The following PKDREJ variants were observed in gnomAD, a reference collection of about 807,000 sequenced individuals.
PKDREJ encodes the protein polycystin family receptor for egg jelly.
For synonymous variants in PKDREJ, 1,031 were observed against 1,095.5 expected (o/e 0.94, Z 1.16); for missense variants, 2,507 against 2,807.2 (o/e 0.89, Z 2.42).
rs781421433 is a variant in PKDREJ, at chr22:46,260,255, G to A, written c.3068C>T (p.Ala1023Val). ...AGGCACCAGGAAGGTGGCGACCAGC[G>A]CTGTGGGAGTGATCTGACTGCCTGT... ...VYTGSQITPT[A>V]LVATFLVPHD... Residue 1023 changes from alanine (A) to valine (V), a missense_variant, in exon 1 of 1, where the codon GCG (alanine) becomes GTG (valine). Coordinates refer to ENST00000253255, the MANE Select transcript of PKDREJ (RefSeq NM_006071.2). This position sits in a 1 kb window ranked among gnomAD's most constrained non-coding sequence, Gnocchi z 4.5. 23 of 1,614,032 alleles carry A rather than the reference G, an allele frequency of 1.4e-5. No individual in the cohort carries two copies. The highest frequency in any genetic ancestry group is 5.3e-5 in the African/African-American group (4 of 74,898).
At position 46,261,129 on chromosome 22, in the gene PKDREJ, T is replaced by A. The variant is rs752122635; in HGVS notation, c.2194A>T (p.Asn732Tyr). The change falls in exon 1 of 1, where the codon AAT (asparagine) becomes TAT (tyrosine). Residue 732 changes from asparagine (N) to tyrosine (Y), a missense_variant. Transcript: ENST00000253255. This position sits in a 1 kb window ranked among gnomAD's most constrained non-coding sequence, Gnocchi z 7.1. Reference protein sequence around the residue: ...TELPLRDDRVNLRKHLIDQSF... With the variant: ...TELPLRDDRVYLRKHLIDQSF... The stretch of plus-strand genomic sequence containing the variant: ...TGATCGATGAGGTGTTTTCGGAGAT[T>A]GACTCTGTCATCTCGGAGAGGTAAT... The A allele has an allele frequency of 1.2e-6, 2 of 1,613,858 alleles. No individual in the cohort carries two copies.
Position 46,256,248 on chromosome 22 carries a change from C to T in PKDREJ, c.*313G>A, listed in dbSNP as rs1936630117. ...CTCAAAACCAGTGGCTCTGCCTTCT[C>T]TAAACTGCAGGCACCAAAGAAACAG... On this transcript the variant is annotated 3_prime_UTR_variant, in exon 1 of 1. Transcript: ENST00000253255. This position sits in a 1 kb window ranked among gnomAD's most constrained non-coding sequence, Gnocchi z 5.3. 1 of 306,768 alleles carries T rather than the reference C, an allele frequency of 3.3e-6. No individual in the cohort carries two copies. The highest frequency in any genetic ancestry group is 2.2e-5 in the African/African-American group (1 of 45,998). The allele number at this position is 306,768 out of a possible 1,614,324, so 19.0% of individuals were successfully genotyped here. A position where few individuals can be genotyped will look rare whatever the true frequency, so the allele number is the denominator to read the frequency against.
Position 46,261,219 on chromosome 22 carries a change from CCTT to C in PKDREJ, c.2101_2103del (p.Lys701del), listed in dbSNP as rs775159785. ...AGTAAGTAACCTGCAGGTAAAAAATCCTTCTTTTGAATCAAAGTAGACAGCAAT... is the reference window on the plus strand; with the variant it reads ...AGTAAGTAACCTGCAGGTAAAAAATCCTTTTGAATCAAAGTAGACAGCAAT... On this transcript the variant is annotated inframe_deletion, in exon 1 of 1. Coordinates refer to ENST00000253255, the MANE Select transcript of PKDREJ (RefSeq NM_006071.2). This position sits in a 1 kb window ranked among gnomAD's most constrained non-coding sequence, Gnocchi z 7.1. 1.9e-6 allele frequency: 3 copies of C among 1,613,980 alleles called. No individual in the cohort carries two copies. The highest frequency in any genetic ancestry group is 2.2e-5 in the South Asian group (2 of 91,080).
Position 46,260,008 on chromosome 22 carries a change from C to T in PKDREJ, c.3315G>A (p.Leu1105=). 1 of 1,614,144 alleles carries T rather than the reference C, an allele frequency of 6.2e-7. No individual in the cohort carries two copies. Among genetic ancestry groups the T allele is most frequent in the South Asian group, 1.1e-5 (1 of 91,080 alleles). ...ATTCACTCTGGATCCCATACATGTC[C>T]AAGCACTGGACGCTGAAAATAGAAA... is the stretch of plus-strand genomic sequence containing the variant. ...VRISIFSVQC[L]DMYGIQSEWR... The change falls in exon 1 of 1, where the codon TTG becomes TTA. Residue 1105 remains leucine (L), a synonymous_variant. Coordinates refer to ENST00000253255, the MANE Select transcript of PKDREJ (RefSeq NM_006071.2). The surrounding 1 kb of genome is among the most constrained non-coding windows in gnomAD (Gnocchi z 4.5).
chr22:46,262,092 C>T lies in PKDREJ; in HGVS notation c.1231G>A (p.Ala411Thr), dbSNP rs912512888. The change falls in exon 1 of 1, where the codon GCC becomes ACC. Residue 411 changes from alanine (A) to threonine (T), a missense_variant. Physicochemically the swap from Ala to Thr is moderately conservative, Grantham distance 58. Transcript: ENST00000253255. This position sits in a 1 kb window ranked among gnomAD's most constrained non-coding sequence, Gnocchi z 8.1. The stretch of plus-strand genomic sequence containing the variant: ...AAAAGTGTCAGTACAGGGCCCGAGG[C>T]CCAGGGCCATTTCAGATTGGCCTGC... The part of the protein sequence containing the change: ...PEQANLKWPW[A>T]SGPVLTLLPE... The T allele has an allele frequency of 6.2e-7, 1 of 1,614,040 alleles. No individual in the cohort carries two copies. The highest frequency in any genetic ancestry group is 8.5e-7 in the Non-Finnish European group (1 of 1,180,016).
chr22:46,263,098 G>A lies in PKDREJ; in HGVS notation c.225C>T (p.Gly75=), dbSNP rs976199097. The A allele has an allele frequency of 2.3e-6, 3 of 1,311,282 alleles. No individual in the cohort carries two copies. Among genetic ancestry groups the A allele is most frequent in the East Asian group, 3.8e-5 (1 of 26,614 alleles). 81.2% of individuals were successfully genotyped at this position (1,311,282 alleles called of 1,614,324 possible). Residue 75 remains glycine, a synonymous_variant, in exon 1 of 1, where the codon GGC becomes GGT. Coordinates refer to ENST00000253255, the MANE Select transcript of PKDREJ (RefSeq NM_006071.2). This position sits in a 1 kb window ranked among gnomAD's most constrained non-coding sequence, Gnocchi z 9.4. The part of the protein sequence containing the change: ...RAGGAVLSGR[G]SLCFPHGGTG... ...TCCCGCCATGGGGGAAGCAGAGGCT[G>A]CCGCGGCCGCTCAGGACAGCGCCGC...
chr22:46,257,304 A>C lies in PKDREJ; in HGVS notation c.6019T>G (p.Cys2007Gly), dbSNP rs746736353. 2 of 1,614,056 alleles carry C rather than the reference A, an allele frequency of 1.2e-6. No individual in the cohort carries two copies. Among genetic ancestry groups the C allele is most frequent in the South Asian group, 2.2e-5 (2 of 91,074 alleles). Residue 2007 changes from cysteine (C) to glycine (G), a missense_variant, in exon 1 of 1, where the codon TGC becomes GGC. Coordinates refer to ENST00000253255, the MANE Select transcript of PKDREJ (RefSeq NM_006071.2). The surrounding 1 kb of genome is among the most constrained non-coding windows in gnomAD (Gnocchi z 4.7). ...VYNLLNFALK[C>G]IFTVLIVLFL... ...AGCACAATCAACACAGTAAATATGC[A>C]CTTTAAAGCAAAGTTGAGCAAATTA...
chr22:46,262,394 G>T lies in PKDREJ; in HGVS notation c.929C>A (p.Ser310Tyr). The T allele has an allele frequency of 1.9e-6, 3 of 1,614,016 alleles. No individual in the cohort carries two copies. The highest frequency in any genetic ancestry group is 2.5e-6 in the Non-Finnish European group (3 of 1,179,962). The change falls in exon 1 of 1, where the codon TCC becomes TAC. Residue 310 changes from serine (S) to tyrosine (Y), a missense_variant. Ser to Tyr is a moderately radical substitution (Grantham distance 144, BLOSUM62 -2). Transcript: ENST00000253255. This position sits in a 1 kb window ranked among gnomAD's most constrained non-coding sequence, Gnocchi z 8.1. ...WGVYVFNFTV[S>Y]ITTGNPKMPE... ...CATCTTGGGGTTCCCTGTGGTGATGGACACCGTGAAATTAAACACATACAC... is the reference window on the plus strand; with the variant it reads ...CATCTTGGGGTTCCCTGTGGTGATGTACACCGTGAAATTAAACACATACAC...
chr22:46,261,951 C>T lies in PKDREJ; in HGVS notation c.1372G>A (p.Ala458Thr). 6.2e-7 allele frequency: 1 copy of T among 1,614,158 alleles called. No individual in the cohort carries two copies. Among genetic ancestry groups the T allele is most frequent in the Non-Finnish European group, 8.5e-7 (1 of 1,180,024 alleles). Residue 458 changes from alanine to threonine, a missense_variant, in exon 1 of 1, where the codon GCA becomes ACA. By Grantham distance (58) the Ala-to-Thr change is moderately conservative. Coordinates refer to ENST00000253255, the MANE Select transcript of PKDREJ (RefSeq NM_006071.2). The surrounding 1 kb of genome is among the most constrained non-coding windows in gnomAD (Gnocchi z 7.1). ...VHVLQGPKAI[A>T]HITCIENCER... ...CAATTTTCGATACATGTGATGTGTGCTATGGCTTTTGGTCCTTGGAGCACG... is the reference window on the plus strand; with the variant it reads ...CAATTTTCGATACATGTGATGTGTGTTATGGCTTTTGGTCCTTGGAGCACG...
chr22:46,261,754 T>C lies in PKDREJ; in HGVS notation c.1569A>G (p.Lys523=). 1 of 1,613,966 alleles carries C rather than the reference T, an allele frequency of 6.2e-7. No homozygotes were observed. Among genetic ancestry groups the C allele is most frequent in the South Asian group, 1.1e-5 (1 of 91,078 alleles). ...TGRNGAYLSI[K]AFAFRHFLEA... is the part of the protein sequence containing the mutation. ...CCAAAAAATGCCGAAAAGCAAAAGC[T>C]TTTATAGACAGATAAGCACCATTCC... Residue 523 remains lysine (K), a synonymous_variant, in exon 1 of 1, where the codon AAA becomes AAG. Transcript: ENST00000253255. The surrounding 1 kb of genome is among the most constrained non-coding windows in gnomAD (Gnocchi z 7.1).
rs1390946079 is a variant in PKDREJ, at chr22:46,257,728, C to T, written c.5595G>A (p.Trp1865Ter). The T allele has an allele frequency of 1.2e-6, 2 of 1,614,136 alleles. No individual in the cohort carries two copies. Among genetic ancestry groups the T allele is most frequent in the Admixed American group, 3.3e-5 (2 of 60,018 alleles). The part of the protein sequence containing the change: ...GFTYKPQGTQ[W>*]LYYSYGLLHT... Reference sequence around the variant, plus strand: ...GTAGTAGTCCATAGGAATAATATAGCCATTGCGTTCCTTGAGGCTTATAAG... The same window carrying T: ...GTAGTAGTCCATAGGAATAATATAGTCATTGCGTTCCTTGAGGCTTATAAG... Residue 1865 changes from tryptophan to a stop codon, truncating the protein, a stop_gained, in exon 1 of 1, where the codon TGG (tryptophan) becomes TGA (stop). Coordinates refer to ENST00000253255, the MANE Select transcript of PKDREJ (RefSeq NM_006071.2). LOFTEE classifies it low-confidence loss of function (END_TRUNC). This position sits in a 1 kb window ranked among gnomAD's most constrained non-coding sequence, Gnocchi z 4.7.
At position 46,261,961 on chromosome 22, in the gene PKDREJ, T is replaced by C; in HGVS notation, c.1362A>G (p.Pro454=). ...TACATGTGATGTGTGCTATGGCTTTTGGTCCTTGGAGCACGTGGACCCTCT... is the reference window on the plus strand; with the variant it reads ...TACATGTGATGTGTGCTATGGCTTTCGGTCCTTGGAGCACGTGGACCCTCT... The part of the protein sequence containing the change: ...SDKRVHVLQG[P]KAIAHITCIE... Residue 454 remains proline, a synonymous_variant, in exon 1 of 1, where the codon CCA becomes CCG. Coordinates refer to ENST00000253255, the MANE Select transcript of PKDREJ (RefSeq NM_006071.2). The surrounding 1 kb of genome is among the most constrained non-coding windows in gnomAD (Gnocchi z 7.1). The C allele has an allele frequency of 2.0e-5, 33 of 1,614,164 alleles. No individual in the cohort carries two copies. Among genetic ancestry groups the C allele is most frequent in the Non-Finnish European group, 2.8e-5 (33 of 1,180,008 alleles).
At position 46,258,773 on chromosome 22, in the gene PKDREJ, G is replaced by A; in HGVS notation, c.4550C>T (p.Ser1517Phe). The part of the protein sequence containing the change: ...RLPKASPKAT[S>F]KPKHRHRKAQ... ...TTTCCTATGCCTGTGCTTGGGTTTG[G>A]AGGTTGCCTTAGGAGAAGCCTTTGG... Residue 1517 changes from serine (S) to phenylalanine (F), a missense_variant, in exon 1 of 1, where the codon TCC (serine) becomes TTC (phenylalanine). Physicochemically the swap from Ser to Phe is radical, Grantham distance 155 (BLOSUM62 -2). Coordinates refer to ENST00000253255, the MANE Select transcript of PKDREJ (RefSeq NM_006071.2). This position sits in a 1 kb window ranked among gnomAD's most constrained non-coding sequence, Gnocchi z 6.1. The A allele has an allele frequency of 3.1e-6, 5 of 1,614,184 alleles. No homozygotes were observed. The highest frequency in any genetic ancestry group is 4.2e-6 in the Non-Finnish European group (5 of 1,180,038).
chr22:46,258,318 C>T lies in PKDREJ; in HGVS notation c.5005G>A (p.Glu1669Lys). 1 of 1,614,174 alleles carries T rather than the reference C, an allele frequency of 6.2e-7. No homozygotes were observed. Among genetic ancestry groups the T allele is most frequent in the South Asian group, 1.1e-5 (1 of 91,086 alleles). Residue 1669 changes from glutamate (E) to lysine (K), a missense_variant, in exon 1 of 1, where the codon GAA becomes AAA. Transcript: ENST00000253255. This position sits in a 1 kb window ranked among gnomAD's most constrained non-coding sequence, Gnocchi z 6.1. The part of the protein sequence containing the change: ...RLDGMRMHPE[E>K]MQRIHDQIVR... ...ATCTGGTCATGTATCCTCTGCATTT[C>T]TTCTGGATGCATACGCATTCCATCC...
At position 46,258,857 on chromosome 22, in the gene PKDREJ, G is replaced by C. The variant is rs1377209024; in HGVS notation, c.4466C>G (p.Thr1489Ser). The change falls in exon 1 of 1, where the codon ACT (threonine) becomes AGT (serine). Residue 1489 changes from threonine (T) to serine (S), a missense_variant. By Grantham distance (58) the Thr-to-Ser change is moderately conservative (BLOSUM62 1). Transcript: ENST00000253255. This position sits in a 1 kb window ranked among gnomAD's most constrained non-coding sequence, Gnocchi z 6.1. ...AACCTCCCTGGGGTGCACCTTAGCA[G>C]TTTCGTAAGCATGCCACTTTCTCAA... ...EYLRKWHAYE[T>S]AKVHPREVAK... 1 of 1,613,986 alleles carries C rather than the reference G, an allele frequency of 6.2e-7. No individual in the cohort carries two copies. The highest frequency in any genetic ancestry group is 8.5e-7 in the Non-Finnish European group (1 of 1,180,004).
At position 46,262,653 on chromosome 22, in the gene PKDREJ, T is replaced by C. The variant is rs764001826; in HGVS notation, c.670A>G (p.Thr224Ala). ...CGCACGGGGGCGCCCTTCTGGTCCG[T>C]GTTGATCCTCACGCGCTGGATGACG... Reference protein sequence around the residue: ...ACVIQRVRINTDQKGAPVRLS... With the variant: ...ACVIQRVRINADQKGAPVRLS... The change falls in exon 1 of 1, where the codon ACG (threonine) becomes GCG (alanine). Residue 224 changes from threonine to alanine, a missense_variant. By Grantham distance (58) the Thr-to-Ala change is moderately conservative (BLOSUM62 0). Coordinates refer to ENST00000253255, the MANE Select transcript of PKDREJ (RefSeq NM_006071.2). This position sits in a 1 kb window ranked among gnomAD's most constrained non-coding sequence, Gnocchi z 8.1. 8.1e-6 allele frequency: 13 copies of C among 1,612,990 alleles called. No homozygotes were observed. In the South Asian group the frequency reaches 1.3e-4, roughly 16 times the overall value.
chr22:46,258,933 G>A lies in PKDREJ; in HGVS notation c.4390C>T (p.Pro1464Ser), dbSNP rs1489825342. ...KPQADLKEVS[P>S]QKHPLMSEAS... ...TCTGACATTAGAGGATGCTTTTGAGGAGATACCTCCTTTAGATCCGCTTGA... is the reference window on the plus strand; with the variant it reads ...TCTGACATTAGAGGATGCTTTTGAGAAGATACCTCCTTTAGATCCGCTTGA... The change falls in exon 1 of 1, where the codon CCT (proline) becomes TCT (serine). Residue 1464 changes from proline to serine, a missense_variant. Pro to Ser is a moderately conservative substitution (Grantham distance 74, BLOSUM62 -1). Coordinates refer to ENST00000253255, the MANE Select transcript of PKDREJ (RefSeq NM_006071.2). The surrounding 1 kb of genome is among the most constrained non-coding windows in gnomAD (Gnocchi z 6.1). 6.2e-7 allele frequency: 1 copy of A among 1,614,138 alleles called. No individual in the cohort carries two copies. The highest frequency in any genetic ancestry group is 8.5e-7 in the Non-Finnish European group (1 of 1,180,028).
At position 46,261,009 on chromosome 22, in the gene PKDREJ, C is replaced by T. The variant is rs768795386; in HGVS notation, c.2314G>A (p.Asp772Asn). The change falls in exon 1 of 1, where the codon GAT becomes AAT. Residue 772 changes from aspartate to asparagine, a missense_variant. Asp to Asn is a conservative substitution (Grantham distance 23). Coordinates refer to ENST00000253255, the MANE Select transcript of PKDREJ (RefSeq NM_006071.2). The surrounding 1 kb of genome is among the most constrained non-coding windows in gnomAD (Gnocchi z 7.1). ...LTQKPSEFTWDAQKRATMRVW... is the reference protein window; with the variant it reads ...LTQKPSEFTWNAQKRATMRVW... The stretch of plus-strand genomic sequence containing the variant: ...CTCATGGTGGCACGTTTCTGAGCAT[C>T]CCAAGTGAATTCAGAGGGTTTCTGG... 3.7e-6 allele frequency: 6 copies of T among 1,613,998 alleles called. No individual in the cohort carries two copies. In the Admixed American group the frequency reaches 8.3e-5, roughly 22 times the overall value.
chr22:46,260,036 C>G lies in PKDREJ; in HGVS notation c.3287G>C (p.Arg1096Thr). Residue 1096 changes from arginine to threonine, a missense_variant, in exon 1 of 1, where the codon AGA (arginine) becomes ACA (threonine). Arg to Thr is a moderately conservative substitution (Grantham distance 71). Transcript: ENST00000253255. The surrounding 1 kb of genome is among the most constrained non-coding windows in gnomAD (Gnocchi z 4.5). ...FVMKLNDKLV[R>T]ISIFSVQCLD... is the part of the protein sequence containing the mutation. Reference sequence around the variant, plus strand: ...GCACTGGACGCTGAAAATAGAAATTCTCACTAGCTTGTCATTGAGCTTCAT... The same window carrying G: ...GCACTGGACGCTGAAAATAGAAATTGTCACTAGCTTGTCATTGAGCTTCAT... 6.2e-7 allele frequency: 1 copy of G among 1,614,130 alleles called. No homozygotes were observed. The highest frequency in any genetic ancestry group is 8.5e-7 in the Non-Finnish European group (1 of 1,180,016).
Sources: allele counts gnomAD v4.1 joint callset, GRCh38; gene constraint gnomAD v4.1.1; non-coding constraint Gnocchi (gnomAD v3.1); transcripts MANE v1.5; gene names NCBI Gene and HGNC (gene_info 2026-07-23, HGNC 2026-07-21).